Variants in APLF observed in about 807,000 individuals in gnomAD.
APLF encodes aprataxin and PNK-like factor.
A neutral mutation model predicts 55.6 loss-of-function variants in APLF; 61 were observed. The ratio of observed to expected loss-of-function variants is 1.10; its 90% CI spans 0.89 to 1.36. The LOEUF (loss-of-function observed/expected upper bound fraction) is 1.36, where lower values mean the gene tolerates loss of function less well. Among genes scored for constraint, APLF ranks in the 40% most tolerant of loss-of-function variants. APLF has a pLI of 0.00. For synonymous variants in APLF, 207 were observed against 214.8 expected (o/e 0.96, Z 0.32); for missense variants, 611 against 602.5 (o/e 1.01, Z -0.15).
intron 1 of APLF, among the ~76,000 whole-genome samples, chr2:68,482,794 G>C (rs906504784): frequency 6.6e-6 from 1 of 152,118 alleles, no homozygotes; most frequent in Non-Finnish European, 1.5e-5. Flanking sequence ...ACAATGATTA[G>C]GCCAGTTTGG....
intron 5 of APLF, among the ~76,000 whole-genome samples, chr2:68,517,852 A>T (rs1319871238): frequency 6.9e-6 from 1 of 144,994 alleles, no homozygotes; most frequent in Non-Finnish European, 1.5e-5. Context: ...ATATATCACT[A>T]ATATGTGTTA....
intron 8 of APLF, among the ~76,000 whole-genome samples, chr2:68,564,418 A>G (rs558170069): frequency 2.0e-5 from 3 of 152,068 alleles, no homozygotes. Context: ...TGTGTTTAAT[A>G]CTTGCATTGT....
intron 9 of APLF, among the ~76,000 whole-genome samples, chr2:68,571,053 T>A (rs1362634738): frequency 6.6e-6 from 1 of 152,220 alleles, no homozygotes; most frequent in Non-Finnish European, 1.5e-5. Context: ...CCAGTGATGA[T>A]GAGCATTTTT....
chr2:68,536,151 G>A (rs576761552), intron 6 of APLF, among the ~76,000 whole-genome samples: 1 of 152,118 alleles, frequency 6.6e-6, no homozygotes, highest in African/African-American at 2.4e-5. Flanking sequence ...GGAGTTGGGG[G>A]GTTGAGATTG....
At chr2:68,515,503 A>G (rs755621109) in intron 5 of APLF, 19 of 834,946 alleles carry the variant, frequency 2.3e-5, no homozygotes, top group Admixed American at 6.3e-5. Flanking sequence ...ATTGTTTTGT[A>G]CTGCAACTGC....
At chr2:68,531,533 C>T (rs923875373) in intron 6 of APLF, 4 of 152,192 alleles carry the variant, frequency 2.6e-5, no homozygotes, top group African/African-American at 4.8e-5. Context: ...GGGGCCTGGT[C>T]GCTATACACT....
At chr2:68,523,956 T>C (rs909071772) in intron 5 of APLF, among the ~76,000 whole-genome samples, 17 of 139,390 alleles carry the variant, frequency 1.2e-4, no homozygotes, top group African/African-American at 5.2e-4. Flanking sequence ...GTAAGGAATT[T>C]GGAGTTTTGA....
At chr2:68,469,311 T>C (rs141799174) in intron 1 of APLF, among the ~76,000 whole-genome samples, 45 of 152,300 alleles carry the variant, frequency 3.0e-4, no homozygotes, top group African/African-American at 1.0e-3. Context: ...TTGTCACCAG[T>C]AGAGTACTGT....
At chr2:68,467,885 C>A in intron 1 of APLF, 58 bp downstream of exon 1, 1 of 1,192,528 alleles carries the variant, frequency 8.4e-7, no homozygotes, top group Non-Finnish European at 1.1e-6. Flanking sequence ...GCGCCGGCTC[C>A]TGAAGACCGG....
At chr2:68,533,058 T>G (rs528111113) in intron 6 of APLF, among the ~76,000 whole-genome samples, 122 of 152,184 alleles carry the variant, frequency 8.0e-4, no homozygotes, top group African/African-American at 2.8e-3. Context: ...AGACCTCATC[T>G]CTAAAAAAAA....
Position 68,528,453 on chromosome 2 carries a change from G to A in APLF, c.804+2211G>A. The A allele has an allele frequency of 5.2e-6, 8 of 1,534,108 alleles. 1 individual carries two copies. In the South Asian group the frequency reaches 7.1e-5, roughly 14 times the overall value. ...CTCTCCCACCTCAGTTGCAGGGGAG[G>A]GGTTGGTTGCAGCTGCAGTGGTGGC... On this transcript the variant is annotated intron_variant, in intron 6 of 9. Transcript: ENST00000303795.
At chr2:68,519,000 T>A (rs1346266037) in intron 5 of APLF, among the ~76,000 whole-genome samples, 2 of 121,040 alleles carry the variant, frequency 1.7e-5, no homozygotes, top group Non-Finnish European at 3.1e-5. Context: ...TCTGATAATA[T>A]ATTATTAATA....
chr2:68,528,544 A>G (rs1670149856), intron 6 of APLF: 22 of 1,533,848 alleles, frequency 1.4e-5, no homozygotes, highest in Non-Finnish European at 1.9e-5. Flanking sequence ...TACTTGATCC[A>G]AGAGCTGCAG....
intron 8 of APLF, among the ~76,000 whole-genome samples, chr2:68,548,121 C>G (rs142141932): frequency 6.6e-6 from 1 of 151,802 alleles, no homozygotes; most frequent in East Asian, 1.9e-4. Flanking sequence ...GGTGTCTTCT[C>G]TAACGTAATT....
chr2:68,495,669 A>G (rs780224717), intron 2 of APLF, among the ~76,000 whole-genome samples: 5 of 152,220 alleles, frequency 3.3e-5, no homozygotes, highest in Non-Finnish European at 7.3e-5. Context: ...TATTCTCTGC[A>G]CTGCCCTAGT....
At chr2:68,474,390 A>G (rs928736295) in intron 1 of APLF, among the ~76,000 whole-genome samples, 6 of 152,144 alleles carry the variant, frequency 3.9e-5, no homozygotes, top group African/African-American at 1.4e-4. Context: ...TCCAGTGACT[A>G]GCTCCCACCC....
intron 1 of APLF, among the ~76,000 whole-genome samples, chr2:68,488,668 G>A (rs1259923935): frequency 1.3e-5 from 2 of 152,006 alleles, no homozygotes; most frequent in Non-Finnish European, 2.9e-5. Context: ...GATTTGGAGT[G>A]CTGCCTACTT....
At chr2:68,556,700 G>C (rs1163342970) in intron 8 of APLF, among the ~76,000 whole-genome samples, 1 of 152,164 alleles carries the variant, frequency 6.6e-6, no homozygotes, top group East Asian at 1.9e-4. Flanking sequence ...CCTTGCCTTG[G>C]ATTACAAAAC....
chr2:68,513,274 A>G (rs1669455884), intron 4 of APLF, 47 bp downstream of exon 4: 2 of 1,546,456 alleles, frequency 1.3e-6, no homozygotes, highest in African/African-American at 1.4e-5. Flanking sequence ...TCTTCAAGTT[A>G]TTATGAAGGC....
Sources: gnomAD v4.1 joint callset for allele counts (sites outside exome capture counted in the v4.1 genomes callset) on GRCh38, gnomAD v4.1.1 for gene constraint, MANE v1.5 for transcripts, NCBI Gene and HGNC (gene_info 2026-07-23, HGNC 2026-07-21) for gene names.